The following LRMDA variants were observed in gnomAD, a reference collection of about 807,000 sequenced individuals.
LRMDA encodes the protein leucine-rich melanocyte differentiation-associated protein.
Under a neutral mutation model 29.8 loss-of-function variants are expected in LRMDA, and 18 were observed. That is an observed-to-expected ratio of 0.60 (90% CI 0.42 to 0.90). The LOEUF (loss-of-function observed/expected upper bound fraction) is 0.90, where lower values mean the gene tolerates loss of function less well. Ranked by LOEUF, LRMDA falls within the 40% of genes least tolerant of loss-of-function variation. The probability of loss-of-function intolerance (pLI) is 0.00; values close to 1 mark genes in which losing one functional copy is unlikely to be tolerated. For synonymous variants in LRMDA, 125 were observed against 109.4 expected, an observed-to-expected ratio of 1.14 and a Z score of -0.89; for missense variants, 273 against 273.9, an observed-to-expected ratio of 1.00 and a Z score of 0.02.
intron 2 of LRMDA, among the ~76,000 whole-genome samples, chr10:75,461,480 G>T (rs117092134): frequency 2.6e-4 from 39 of 152,262 alleles, no homozygotes; most frequent in Non-Finnish European, 4.9e-4. Context: ...AGACCTGCCT[G>T]CTTCTGCTGT....
chr10:76,212,046 G>C (rs1406971498), intron 5 of LRMDA, among the ~76,000 whole-genome samples: 1 of 152,084 alleles, frequency 6.6e-6, no homozygotes, highest in Admixed American at 6.5e-5. Context: ...TAGCTTCTTG[G>C]TTCAGCAACA....
At position 75,608,224 on chromosome 10, in the gene LRMDA, T is replaced by C. The variant is rs548807164; in HGVS notation, c.131+169730T>C. Among the ~76,000 whole-genome samples the C allele has an allele frequency of 8.6e-5, 13 of 151,360 alleles. No homozygotes were observed. In the East Asian group the frequency reaches 9.7e-4, roughly 11 times the overall value. ...GATGAACCTGGAGAACATGGTGACA[T>C]AAACCAGACTTAGAAGACTACTGCA... On this transcript the variant is annotated intron_variant, in intron 2 of 6. Coordinates refer to ENST00000611255, the MANE Select transcript of LRMDA (RefSeq NM_001305581.2).
chr10:76,251,167 A>G (rs543253476), intron 5 of LRMDA, among the ~76,000 whole-genome samples: 38 of 149,972 alleles, frequency 2.5e-4, no homozygotes, highest in African/African-American at 9.3e-4. Flanking sequence ...AAGTCTGGTC[A>G]CACTGATATC....
intron 6 of LRMDA, among the ~76,000 whole-genome samples, chr10:76,455,785 T>A (rs2132303701): frequency 6.6e-6 from 1 of 152,260 alleles, no homozygotes; most frequent in South Asian, 2.1e-4. Context: ...AGGGCAAGTG[T>A]TATCTTCTGG....
At chr10:75,940,053 A>C (rs923094586) in intron 2 of LRMDA, among the ~76,000 whole-genome samples, 1 of 152,210 alleles carries the variant, frequency 6.6e-6, no homozygotes, top group Non-Finnish European at 1.5e-5. Context: ...GCACATTTTC[A>C]GGATTCCACG....
intron 2 of LRMDA, among the ~76,000 whole-genome samples, chr10:75,818,650 G>A (rs541072627): frequency 1.3e-5 from 2 of 152,212 alleles, no homozygotes; most frequent in African/African-American, 2.4e-5. Context: ...TTGCAGAGAC[G>A]AAAGTTTTCT....
At chr10:75,627,992 A>G (rs900236780) in intron 2 of LRMDA, among the ~76,000 whole-genome samples, 2 of 152,226 alleles carry the variant, frequency 1.3e-5, no homozygotes, top group Non-Finnish European at 2.9e-5. Context: ...TATCTCCAGC[A>G]TCCTGGATGG....
At chr10:76,410,259 G>A (rs540597158) in intron 6 of LRMDA, among the ~76,000 whole-genome samples, 2 of 150,674 alleles carry the variant, frequency 1.3e-5, no homozygotes, top group African/African-American at 4.9e-5. Context: ...TTAAAGAGTA[G>A]GGATTATGTC....
intron 2 of LRMDA, among the ~76,000 whole-genome samples, chr10:75,861,704 AAGG>A (rs1265053996): frequency 2.0e-5 from 3 of 152,158 alleles, no homozygotes; most frequent in African/African-American, 7.2e-5. Context: ...CTCTAGAGGG[AAGG>A]TGCTAGTTAT....
intron 2 of LRMDA, among the ~76,000 whole-genome samples, chr10:75,490,161 C>T (rs2132060110): frequency 6.6e-6 from 1 of 152,246 alleles, no homozygotes; most frequent in East Asian, 1.9e-4. Flanking sequence ...GTAACTTGCC[C>T]AAGGAGCTGG....
chr10:76,484,371 C>T (rs980035376), intron 6 of LRMDA, among the ~76,000 whole-genome samples: 1 of 151,790 alleles, frequency 6.6e-6, no homozygotes, highest in Non-Finnish European at 1.5e-5. Flanking sequence ...ATTAGGGTAG[C>T]AATGAAACAA....
intron 6 of LRMDA, among the ~76,000 whole-genome samples, chr10:76,470,128 T>C (rs1842603389): frequency 6.6e-6 from 1 of 152,108 alleles, no homozygotes; most frequent in African/African-American, 2.4e-5. Context: ...AATAAAGACA[T>C]TTCTAAGTAA....
intron 2 of LRMDA, among the ~76,000 whole-genome samples, chr10:75,773,115 A>T (rs1405670437): frequency 2.0e-5 from 3 of 152,156 alleles, no homozygotes; most frequent in Admixed American, 2.0e-4. Flanking sequence ...ATTGTTTGTT[A>T]TGGGGGACTG....
At position 76,147,088 on chromosome 10, in the gene LRMDA, C is replaced by T. The variant is rs536134709; in HGVS notation, c.516+88305C>T. ...CTGATGGGCTTCCCTTTGTGGGTAACCCGACCTTTCTCTCTGGCTGCCCTT... is the reference window on the plus strand; with the variant it reads ...CTGATGGGCTTCCCTTTGTGGGTAATCCGACCTTTCTCTCTGGCTGCCCTT... On this transcript the variant is annotated intron_variant, in intron 5 of 6. Transcript: ENST00000611255. 6.3e-3 allele frequency among the ~76,000 whole-genome samples: 966 copies of T among 152,264 alleles called. 12 individuals are homozygous for T. The highest frequency in any genetic ancestry group is 0.022 in the African/African-American group (901 of 41,534).
Position 75,499,629 on chromosome 10 carries a change from C to T in LRMDA, c.131+61135C>T, listed in dbSNP as rs952610692. 3.3e-5 allele frequency among the ~76,000 whole-genome samples: 5 copies of T among 152,196 alleles called. No individual in the cohort carries two copies. In the East Asian group the frequency reaches 5.8e-4, roughly 18 times the overall value. On this transcript the variant is annotated intron_variant, in intron 2 of 6. Transcript: ENST00000611255. ...CTGTGGTTATAATTAAAGCCACAAT[C>T]GGGGCTATGATTCTCCCAGTACCAA...
At chr10:76,409,960 C>G (rs1238517561) in intron 6 of LRMDA, among the ~76,000 whole-genome samples, 1 of 152,060 alleles carries the variant, frequency 6.6e-6, no homozygotes, top group Non-Finnish European at 1.5e-5. Context: ...ATGTAGAATC[C>G]AATTTTAAGC....
At chr10:76,388,819 G>A (rs928608850) in intron 6 of LRMDA, among the ~76,000 whole-genome samples, 1 of 152,212 alleles carries the variant, frequency 6.6e-6, no homozygotes, top group African/African-American at 2.4e-5. Flanking sequence ...TACAATTCAT[G>A]AGGTAAGTAG....
At chr10:76,069,636 T>C (rs1310831536) in intron 5 of LRMDA, among the ~76,000 whole-genome samples, 1 of 151,708 alleles carries the variant, frequency 6.6e-6, no homozygotes, top group Non-Finnish European at 1.5e-5. Flanking sequence ...GTGGGGGATA[T>C]GTACTGGGGC....
chr10:76,101,024 C>T (rs1849386712), intron 5 of LRMDA, among the ~76,000 whole-genome samples: 1 of 151,998 alleles, frequency 6.6e-6, no homozygotes, highest in Non-Finnish European at 1.5e-5. Flanking sequence ...GCCCCATCTT[C>T]CTCCCACTGG....
Sources: gnomAD v4.1 joint callset for allele counts (sites outside exome capture counted in the v4.1 genomes callset) on GRCh38, gnomAD v4.1.1 for gene constraint, MANE v1.5 for transcripts, NCBI Gene and HGNC (gene_info 2026-07-23, HGNC 2026-07-21) for gene names.